The following PPP6R1 variants were observed in gnomAD, a reference collection of about 807,000 sequenced individuals.
The protein encoded by PPP6R1 is protein phosphatase 6 regulatory subunit 1, also known as serine/threonine-protein phosphatase 6 regulatory subunit 1.
Under a neutral mutation model 104.6 loss-of-function variants are expected in PPP6R1, and 39 were observed. That is an observed-to-expected ratio of 0.37 (90% CI 0.29 to 0.49). The LOEUF (loss-of-function observed/expected upper bound fraction) is 0.49, where lower values mean the gene tolerates loss of function less well. Ranked by LOEUF, PPP6R1 falls within the 20% of genes least tolerant of loss-of-function variation. The probability of loss-of-function intolerance (pLI) is 0.98; values close to 1 mark genes in which losing one functional copy is unlikely to be tolerated. For synonymous variants in PPP6R1, 549 were observed against 479.0 expected (o/e 1.15, Z -1.91); for missense variants, 1,181 against 1,155.8 (o/e 1.02, Z -0.32).
chr19:55,249,233 G>A (rs1013580500), intron 1 of PPP6R1, among the ~76,000 whole-genome samples: 3 of 152,072 alleles, frequency 2.0e-5, no homozygotes, highest in South Asian at 4.1e-4. Flanking sequence ...CCCCTCACCA[G>A]TCCACTTTTC....
At chr19:55,232,391 A>G in intron 17 of PPP6R1, 180 bp from the exon 18 acceptor site, 1 of 895,036 alleles carries the variant, frequency 1.1e-6, no homozygotes, top group Admixed American at 3.1e-5. Flanking sequence ...GGGAGTTCTG[A>G]GCCAACGGCA....
chr19:55,229,454 C>T (rs2087317517), downstream of PPP6R1: 1 of 152,366 alleles, frequency 6.6e-6, no homozygotes, highest in African/African-American at 2.4e-5. Context: ...TACCTTCTAC[C>T]TGAAAGACTC....
Position 55,241,657 on chromosome 19 carries a change from C to T in PPP6R1, c.846-18G>A, listed in dbSNP as rs143651328. On this transcript the variant is annotated intron_variant, in intron 7 of 23. Transcript: ENST00000412770. This position sits in a 1 kb window ranked among gnomAD's most constrained non-coding sequence, Gnocchi z 5.4. ...ACTCGGACCTGCAGCAGGGCAGGGT[C>T]GAAGGCGGAGTGAGCCTAGATGGCC... 2.6e-4 allele frequency: 403 copies of T among 1,549,198 alleles called. 1 individual carries two copies. In the African/African-American group the frequency reaches 5.1e-3, roughly 19 times the overall value.
intron 1 of PPP6R1, among the ~76,000 whole-genome samples, chr19:55,251,939 C>T (rs1212503794): frequency 2.0e-5 from 3 of 152,098 alleles, no homozygotes; most frequent in Non-Finnish European, 4.4e-5. Context: ...GGCAAGCACA[C>T]ACACACAGCC....
In PPP6R1 at chr19:55,253,405, C is replaced by T. The variant is rs142645079; in HGVS notation, c.-7+5030G>A. On this transcript the variant is annotated intron_variant, in intron 1 of 23. Coordinates refer to ENST00000412770, the MANE Select transcript of PPP6R1 (RefSeq NM_014931.4). ...GCATGGCCCTCGGCCCCCAAACCCC[C>T]TACCCCTGGTACAGACTAACCATCT... Among the ~76,000 whole-genome samples the T allele has an allele frequency of 2.8e-3, 428 of 152,370 alleles. 6 individuals are homozygous for T. The highest frequency in any genetic ancestry group is 0.02 in the Middle Eastern group (6 of 294).
intron 1 of PPP6R1, among the ~76,000 whole-genome samples, chr19:55,252,894 A>G (rs2122728880): frequency 6.6e-6 from 1 of 152,246 alleles, no homozygotes; most frequent in Non-Finnish European, 1.5e-5. Context: ...GTTGGGGGAA[A>G]AAAAAAAACC....
chr19:55,230,751 C>CCCCCCCCCA, intron 22 of PPP6R1, 23 bp downstream of exon 22: 1 of 1,472,550 alleles, frequency 6.8e-7, no homozygotes, highest in Non-Finnish European at 9.1e-7. Flanking sequence ...CCCACCCCCC[C>CCCCCCCCCA]GCCCTGCTGC....
chr19:55,257,076 G>GT (rs1366944314), intron 1 of PPP6R1, among the ~76,000 whole-genome samples: 2 of 118,916 alleles, frequency 1.7e-5, no homozygotes, highest in South Asian at 6.2e-4. Context: ...CAGAACTAGA[G>GT]TTAAAAAAAA....
chr19:55,249,158 G>A (rs986908458), intron 1 of PPP6R1, among the ~76,000 whole-genome samples: 1 of 152,148 alleles, frequency 6.6e-6, no homozygotes, highest in Admixed American at 6.5e-5. Flanking sequence ...CCAGGCATTT[G>A]AACCCCTGCT....
rs1233895391 is a variant in PPP6R1 at position 55,232,178 on chromosome 19, T to C, written c.2022A>G (p.Glu674=). The change falls in exon 18 of 24, where the codon GAA becomes GAG. Residue 674 remains glutamate, a synonymous_variant. Transcript: ENST00000412770. ...SGGSTDSEDE[E]EEDEEEEEDE... ...CTTCCTCCTCCTCCTCGTCCTCCTC[T>C]TCTTCGTCCTCACTGTCTGTGCTGC... 22 of 1,563,000 alleles carry C rather than the reference T, an allele frequency of 1.4e-5. No homozygotes were observed. The highest frequency in any genetic ancestry group is 1.7e-5 in the Non-Finnish European group (20 of 1,153,542).
In PPP6R1 at chr19:55,230,450, C is replaced by T. The variant is rs371479636; in HGVS notation, c.*78G>A. 2.4e-4 allele frequency: 382 copies of T among 1,588,838 alleles called. No individual in the cohort carries two copies. The highest frequency in any genetic ancestry group is 2.3e-3 in the African/African-American group (169 of 74,488). On this transcript the variant is annotated 3_prime_UTR_variant, in exon 24 of 24. Transcript: ENST00000412770. ...GGGTGATGAGGGCAATGGGGGCCAT[C>T]GTGGGACCCGCCCTGCCCCCACCCC...
At chr19:55,228,564 C>T (rs2087308014), downstream of PPP6R1, 2 of 1,519,550 alleles carry the variant, frequency 1.3e-6, no homozygotes, top group East Asian at 2.4e-5. Flanking sequence ...CATTCAGGGA[C>T]CAGGCTGCCA....
At chr19:55,254,641 G>A (rs2087579071) in intron 1 of PPP6R1, among the ~76,000 whole-genome samples, 1 of 152,170 alleles carries the variant, frequency 6.6e-6, no homozygotes, top group Non-Finnish European at 1.5e-5. Flanking sequence ...ATGCCTCAGG[G>A]GGCCTCCAGA....
intron 1 of PPP6R1, chr19:55,255,670 C>T (rs2087587186): frequency 6.6e-6 from 1 of 152,376 alleles, no homozygotes; most frequent in Admixed American, 6.5e-5. Flanking sequence ...TCAGGCCTCT[C>T]TCACCTCATC....
At chr19:55,228,789 CAG>C, downstream of PPP6R1, 2 of 1,598,138 alleles carry the variant, frequency 1.3e-6, no homozygotes, top group Non-Finnish European at 1.7e-6. Context: ...CGAGTGGCTT[CAG>C]GGGGTGGAGG....
chr19:55,232,420 G>A, intron 17 of PPP6R1: 1 of 658,756 alleles, frequency 1.5e-6, no homozygotes, highest in Non-Finnish European at 2.4e-6. Flanking sequence ...GGCGGGCAGG[G>A]ACAGAATGCG....
At chr19:55,238,251 C>A (rs1215203429) in intron 15 of PPP6R1, among the ~76,000 whole-genome samples, 1 of 152,178 alleles carries the variant, frequency 6.6e-6, no homozygotes, top group Non-Finnish European at 1.5e-5. Context: ...GCCACTGACC[C>A]ACAAAGACCA....
chr19:55,242,008 C>A (rs1036251196), intron 7 of PPP6R1, among the ~76,000 whole-genome samples, 158 bp downstream of exon 7: 1 of 152,170 alleles, frequency 6.6e-6, no homozygotes, highest in Admixed American at 6.5e-5. Flanking sequence ...ATTCCTCCCT[C>A]GGCCCCGTAC....
At chr19:55,247,383 G>A (rs969906467) in intron 1 of PPP6R1, 25 of 484,832 alleles carry the variant, frequency 5.2e-5, no homozygotes, top group Non-Finnish European at 7.2e-5. Context: ...CGGCCGCCTC[G>A]CCTGAGGTCC....
Sources: allele counts gnomAD v4.1 joint callset (sites outside exome capture counted in the v4.1 genomes callset), GRCh38; gene constraint gnomAD v4.1.1; non-coding constraint Gnocchi (gnomAD v3.1); transcripts MANE v1.5; gene names NCBI Gene and HGNC (gene_info 2026-07-23, HGNC 2026-07-21).